Variants in GUK1 observed in about 807,000 individuals in gnomAD.
GUK1 encodes guanylate kinase.
GUK1 carries 18 observed loss-of-function variants against 25.2 expected under a neutral mutation model. That is an observed-to-expected ratio of 0.71 (90% CI 0.49 to 1.06). GUK1 has a LOEUF of 1.06. Ranked by LOEUF, GUK1 falls within the 50% of genes least tolerant of loss-of-function variation. GUK1 has a pLI of 0.00. For synonymous variants in GUK1, 105 were observed against 117.6 expected (o/e 0.89, Z 0.69); for missense variants, 261 against 276.7 (o/e 0.94, Z 0.40).
intron 1 of GUK1, among the ~76,000 whole-genome samples, chr1:228,140,858 C>T (rs1453521382): frequency 6.6e-6 from 1 of 152,228 alleles, no homozygotes; most frequent in Non-Finnish European, 1.5e-5. Context: ...GCCTTCCCGA[C>T]GCATGGGTGT....
In GUK1 at chr1:228,141,122, A is replaced by T; in HGVS notation, c.-167-2A>T. The stretch of plus-strand genomic sequence containing the variant: ...TGGGCTCATGGCCCCTTCCTGTCTC[A>T]GGCTTGCTCTGCTCTTTACCTGGGG... On this transcript the variant is annotated splice_acceptor_variant, in intron 1 of 8. Transcript: ENST00000312726. LOFTEE classifies it low-confidence loss of function (5UTR_SPLICE). The T allele has an allele frequency of 1.0e-6, 1 of 985,210 alleles. No individual in the cohort carries two copies. Among genetic ancestry groups the T allele is most frequent in the Admixed American group, 6.1e-5 (1 of 16,274 alleles). 61.0% of individuals were successfully genotyped at this position (985,210 alleles called of 1,614,324 possible).
Position 228,148,768 on chromosome 1 carries a change from G to A in GUK1, c.*71G>A, listed in dbSNP as rs745675239. ...GCAGCAGCATTGAGCCACCCCCTTG[G>A]CAGGCGATACGGCAGCTCTGTGCCC... On this transcript the variant is annotated 3_prime_UTR_variant, in exon 9 of 9. Coordinates refer to ENST00000312726, the MANE Select transcript of GUK1 (RefSeq NM_000858.7). 31 of 1,610,484 alleles carry A rather than the reference G, an allele frequency of 1.9e-5. No individual in the cohort carries two copies. The highest frequency in any genetic ancestry group is 2.5e-5 in the Non-Finnish European group (30 of 1,179,104).
intron 5 of GUK1, among the ~76,000 whole-genome samples, chr1:228,147,167 G>A (rs766072663): frequency 1.3e-5 from 2 of 152,228 alleles, no homozygotes; most frequent in South Asian, 2.1e-4. Flanking sequence ...GGTGAAGGGT[G>A]CACAGGACAC....
At chr1:228,140,124 C>T (rs956060032), upstream of GUK1, 38 of 586,002 alleles carry the variant, frequency 6.5e-5, no homozygotes, top group Non-Finnish European at 1.0e-4. Context: ...CGCGACAGGC[C>T]AGCGCAGGTG....
At chr1:228,147,337 G>T in intron 5 of GUK1, 69 bp from the exon 5 acceptor site, 2 of 1,472,124 alleles carry the variant, frequency 1.4e-6, no homozygotes, top group Non-Finnish European at 1.9e-6. Flanking sequence ...GGAGGGCCTG[G>T]GTGTCCCTGA....
At chr1:228,142,176 C>T (rs984720457) in intron 2 of GUK1, among the ~76,000 whole-genome samples, 5 of 152,374 alleles carry the variant, frequency 3.3e-5, no homozygotes, top group African/African-American at 1.2e-4. Flanking sequence ...CTGCAAGGCC[C>T]GCATCCACTC....
chr1:228,146,362 T>C (rs953014653), intron 4 of GUK1: 38 of 513,336 alleles, frequency 7.4e-5, no homozygotes, highest in Non-Finnish European at 9.0e-5. Flanking sequence ...TCGGCACTTA[T>C]CAGCACTTTT....
In GUK1 at chr1:228,146,025, G is replaced by A. The variant is rs1455215445; in HGVS notation, c.113-1G>A. On this transcript the variant is annotated splice_acceptor_variant, in intron 3 of 8. Coordinates refer to ENST00000312726, the MANE Select transcript of GUK1 (RefSeq NM_000858.7). LOFTEE classifies it high-confidence loss of function. ...CGATGGGTGACAGGTCTCTCTGCTAGATACCACGAGGAACCCGAGGCCCGG... is the reference window on the plus strand; with the variant it reads ...CGATGGGTGACAGGTCTCTCTGCTAAATACCACGAGGAACCCGAGGCCCGG... The A allele has an allele frequency of 6.2e-7, 1 of 1,610,822 alleles. No homozygotes were observed. Among genetic ancestry groups the A allele is most frequent in the African/African-American group, 1.3e-5 (1 of 74,874 alleles).
Position 228,148,531 on chromosome 1 carries a change from G to A in GUK1, c.561+75G>A, listed in dbSNP as rs771349393. 5.0e-6 allele frequency: 7 copies of A among 1,389,434 alleles called. No individual in the cohort carries two copies. The African/African-American group carries it at 1.0e-4, about 20-fold the overall frequency. 86.1% of individuals were successfully genotyped at this position (1,389,434 alleles called of 1,614,324 possible). ...GGGCCAGGCCTTTGTTGTCCATGAG[G>A]CCACTGAGGTTAGATGGGACAGTCC... On this transcript the variant is annotated intron_variant, in intron 8 of 8. Transcript: ENST00000312726.
upstream of GUK1, chr1:228,140,222 G>A (rs2033963416): frequency 1.1e-5 from 13 of 1,183,662 alleles, no homozygotes; most frequent in Non-Finnish European, 1.6e-5. Context: ...GTCGCCTCAT[G>A]ACGTCAGTCT....
intron 7 of GUK1, 164 bp from the exon 7 acceptor site, chr1:228,148,207 G>A (rs1206081201): frequency 1.4e-6 from 1 of 699,458 alleles, no homozygotes; most frequent in Non-Finnish European, 2.7e-6. Flanking sequence ...TGAGGCCCAG[G>A]GGGCGGCCCT....
upstream of GUK1, chr1:228,140,266 GT>G (rs1425814531): frequency 3.3e-6 from 5 of 1,520,300 alleles, no homozygotes; most frequent in Admixed American, 4.0e-5. Flanking sequence ...GTGCGGCGCT[GT>G]CACGTAGGTT....
chr1:228,140,476 C>A, intron 1 of GUK1, 113 bp downstream of exon 1: 1 of 756,722 alleles, frequency 1.3e-6, no homozygotes. Context: ...AGCCGAGACG[C>A]CCTGTGCCGC....
chr1:228,143,716 G>A (rs1254000489), intron 2 of GUK1, among the ~76,000 whole-genome samples: 3 of 152,226 alleles, frequency 2.0e-5, no homozygotes, highest in Admixed American at 6.5e-5. Context: ...TGGCTGGCAC[G>A]TAGAGGAGGT....
At chr1:228,142,845 TG>T (rs1451893758) in intron 2 of GUK1, among the ~76,000 whole-genome samples, 6 of 151,854 alleles carry the variant, frequency 4.0e-5, no homozygotes, top group Admixed American at 3.9e-4. Context: ...TGTGGTAGTT[TG>T]GTGGGATCCT....
intron 3 of GUK1, 157 bp downstream of exon 2, chr1:228,145,781 A>G: frequency 1.1e-6 from 1 of 875,278 alleles, no homozygotes; most frequent in Non-Finnish European, 1.8e-6. Flanking sequence ...ACCTGAGGTT[A>G]TCACACTCCT....
In GUK1 at chr1:228,147,315, A is replaced by AC. The variant is rs2034436473; in HGVS notation, c.252-90dup. ...GCCTAGGCTCAGCTGTGGGAGGAGA[A>AC]CGCTGGGCCCGGGAGGGCCTGGGTG... On this transcript the variant is annotated intron_variant, in intron 5 of 8. Transcript: ENST00000312726. 6 of 1,269,716 alleles carry AC rather than the reference A, an allele frequency of 4.7e-6. No individual in the cohort carries two copies. The East Asian group carries it at 1.4e-4, about 31-fold the overall frequency. The allele number at this position is 1,269,716 out of a possible 1,614,324, so 78.7% of individuals were successfully genotyped here.
Position 228,147,471 on chromosome 1 carries a change from G to T in GUK1, c.317G>T (p.Gly106Val). 6.2e-7 allele frequency: 1 copy of T among 1,613,120 alleles called. No individual in the cohort carries two copies. The highest frequency in any genetic ancestry group is 8.5e-7 in the Non-Finnish European group (1 of 1,179,856). The change falls in exon 6 of 9, where the codon GGT becomes GTT. Residue 106 changes from glycine to valine, a missense_variant. Transcript: ENST00000312726. ...TGTGTGCTGGACGTGGACCTGCAGG[G>T]TGTGCGGAACATCAAGGCCACCGAT...
In GUK1 at chr1:228,141,294, G is replaced by A. The variant is rs2034028131; in HGVS notation, c.-3+6G>A. 2 of 978,106 alleles carry A rather than the reference G, an allele frequency of 2.0e-6. No individual in the cohort carries two copies. Among genetic ancestry groups the A allele is most frequent in the Admixed American group, 6.1e-5 (1 of 16,272 alleles). 60.6% of individuals were successfully genotyped at this position (978,106 alleles called of 1,614,324 possible). On this transcript the variant is annotated splice_donor_region_variant and intron_variant, in intron 2 of 8. Coordinates refer to ENST00000312726, the MANE Select transcript of GUK1 (RefSeq NM_000858.7). ...GAGCCCGATTTCCTCAGGAGGTAAA[G>A]GAATGTTCCTGTCCCCCCCGGGGAA...
Sources: allele counts gnomAD v4.1 joint callset (sites outside exome capture counted in the v4.1 genomes callset), GRCh38; gene constraint gnomAD v4.1.1; transcripts MANE v1.5; gene names NCBI Gene and HGNC (gene_info 2026-07-23, HGNC 2026-07-21).